Variants in ADGRD1 observed in about 807,000 individuals in gnomAD.
ADGRD1 encodes G-protein coupled receptor 133.
A neutral mutation model predicts 113.4 loss-of-function variants in ADGRD1; 77 were observed. That is an observed-to-expected ratio of 0.68 (90% CI 0.57 to 0.82). The LOEUF (loss-of-function observed/expected upper bound fraction) is 0.82, where lower values mean the gene tolerates loss of function less well. ADGRD1 is among the 40% of genes least tolerant of loss of function. The pLI, the probability that ADGRD1 is intolerant of heterozygous loss-of-function variation, is 0.00. For missense variants in ADGRD1, 1,036 were observed against 1,139.1 expected, an observed-to-expected ratio of 0.91 and a Z score of 1.30; for synonymous variants, 474 against 475.0, an observed-to-expected ratio of 1.00 and a Z score of 0.03.
At chr12:131,065,820 G>T (rs1410093737) in intron 13 of ADGRD1, among the ~76,000 whole-genome samples, 1 of 152,214 alleles carries the variant, frequency 6.6e-6, no homozygotes, top group Non-Finnish European at 1.5e-5. Context: ...AAAAGTTGTT[G>T]TGACTTGCTT....
At chr12:131,131,224 C>G (rs929981814) in intron 20 of ADGRD1, among the ~76,000 whole-genome samples, 1 of 152,200 alleles carries the variant, frequency 6.6e-6, no homozygotes, top group African/African-American at 2.4e-5. Context: ...GGGGTGCTGG[C>G]AGGAGATGAT....
intron 13 of ADGRD1, among the ~76,000 whole-genome samples, chr12:131,025,033 G>A (rs1284193948): frequency 6.6e-6 from 1 of 152,230 alleles, no homozygotes; most frequent in African/African-American, 2.4e-5. Flanking sequence ...TGCCGTGGAT[G>A]GAAGTTTTGT....
At chr12:131,036,488 C>T (rs1199200269) in intron 13 of ADGRD1, among the ~76,000 whole-genome samples, 2 of 151,058 alleles carry the variant, frequency 1.3e-5, no homozygotes, top group South Asian at 4.2e-4. Flanking sequence ...TCACTCACTA[C>T]ACCAGGTCTC....
At chr12:131,085,856 G>A (rs147330066) in intron 15 of ADGRD1, among the ~76,000 whole-genome samples, 161 of 152,262 alleles carry the variant, frequency 1.1e-3, no homozygotes, top group African/African-American at 3.5e-3. Flanking sequence ...AGCGTCTCCC[G>A]GACAGATTTG....
intron 18 of ADGRD1, among the ~76,000 whole-genome samples, chr12:131,110,949 G>A (rs1950332555): frequency 6.6e-6 from 1 of 151,998 alleles, no homozygotes; most frequent in Non-Finnish European, 1.5e-5. Context: ...CTTCTGGCTC[G>A]ATTGTTTCTC....
chr12:131,024,102 G>A (rs1879662230), intron 13 of ADGRD1: 1 of 152,264 alleles, frequency 6.6e-6, no homozygotes, highest in African/African-American at 2.4e-5. Flanking sequence ...TGGATGATCC[G>A]AGTAATGGTT....
In ADGRD1 at chr12:130,954,533, T is replaced by G. The variant is rs1353314746; in HGVS notation, c.66+2T>G. ...CTGCTATTTTATTACAACTTTCAGG[T>G]AATGTCCCCAAGTGGCCAGGATGGC... On this transcript the variant is annotated splice_donor_variant, in intron 1 of 24. Transcript: ENST00000261654. LOFTEE classifies it high-confidence loss of function. This position sits in a 1 kb window ranked among gnomAD's most constrained non-coding sequence, Gnocchi z 4.7. 1 of 1,610,724 alleles carries G rather than the reference T, an allele frequency of 6.2e-7. No homozygotes were observed. Among genetic ancestry groups the G allele is most frequent in the East Asian group, 2.2e-5 (1 of 44,698 alleles).
chr12:131,085,131 AG>A (rs1282951722), intron 15 of ADGRD1, among the ~76,000 whole-genome samples: 1 of 152,370 alleles, frequency 6.6e-6, no homozygotes, highest in African/African-American at 2.4e-5. Flanking sequence ...ACTTTGAATC[AG>A]TGGAGGAAGA....
chr12:130,975,296 G>A (rs1872180864), intron 4 of ADGRD1, among the ~76,000 whole-genome samples: 1 of 152,132 alleles, frequency 6.6e-6, no homozygotes, highest in South Asian at 2.1e-4. Flanking sequence ...TTGCACGGCC[G>A]ACGATGGCCT....
chr12:131,024,756 A>C (rs567415604), intron 13 of ADGRD1: 1 of 152,370 alleles, frequency 6.6e-6, no homozygotes, highest in South Asian at 2.1e-4. Context: ...TGTCCTTGTC[A>C]TTAAGTGATG....
At chr12:131,115,978 C>T (rs145934480) in intron 18 of ADGRD1, among the ~76,000 whole-genome samples, 10 of 152,232 alleles carry the variant, frequency 6.6e-5, no homozygotes, top group South Asian at 2.1e-4. Flanking sequence ...AGGAATAGAA[C>T]GAGGTGTCTT....
chr12:131,116,390 T>C lies in ADGRD1; in HGVS notation c.2042-1995T>C, dbSNP rs535374108. 2.0e-5 allele frequency among the ~76,000 whole-genome samples: 3 copies of C among 152,360 alleles called. No individual in the cohort carries two copies. The South Asian group carries it at 6.2e-4, about 32-fold the overall frequency. On this transcript the variant is annotated intron_variant, in intron 18 of 24. Coordinates refer to ENST00000261654, the MANE Select transcript of ADGRD1 (RefSeq NM_198827.5). ...CATTCTGCAATGCATTTAAGTCCTT[T>C]TGACATTTAAAACCAAGTATTTCAG...
rs142931724 is a variant in ADGRD1, at chr12:131,007,520, C to T, written c.1331+1473C>T. Among the ~76,000 whole-genome samples the T allele has an allele frequency of 9.2e-5, 14 of 152,348 alleles. No individual in the cohort carries two copies. The East Asian group carries it at 2.7e-3, about 29-fold the overall frequency. On this transcript the variant is annotated intron_variant, in intron 12 of 24. Transcript: ENST00000261654. ...GCAGATGGAAGACAGTCTGTCTCGC[C>T]TGTCCCCAGGGCCTCAGCCTTCACT... is the stretch of plus-strand genomic sequence containing the variant.
At chr12:131,133,744 G>A (rs1041131329) in intron 21 of ADGRD1, among the ~76,000 whole-genome samples, 1 of 152,212 alleles carries the variant, frequency 6.6e-6, no homozygotes, top group Non-Finnish European at 1.5e-5. Flanking sequence ...TCTTAGTGTG[G>A]ATTGTGTAAC....
chr12:131,043,131 G>C (rs1189669341), intron 13 of ADGRD1, among the ~76,000 whole-genome samples: 1 of 152,208 alleles, frequency 6.6e-6, no homozygotes, highest in Non-Finnish European at 1.5e-5. Context: ...GCAGGGTGGG[G>C]TTGGGAGCGA....
At chr12:130,989,119 A>G (rs777753593) in intron 6 of ADGRD1, 1 of 152,232 alleles carries the variant, frequency 6.6e-6, no homozygotes, top group Non-Finnish European at 1.5e-5. Context: ...CTCTCCTAGC[A>G]CTGACAGAGG....
rs530867167 is a variant in ADGRD1 at position 131,061,632 on chromosome 12, G to A, written c.1474-15169G>A. 7.9e-5 allele frequency among the ~76,000 whole-genome samples: 12 copies of A among 152,336 alleles called. No homozygotes were observed. The East Asian group carries it at 2.3e-3, about 29-fold the overall frequency. Reference sequence around the variant, plus strand: ...AGTTTCCCCCAGTGATTACAAATGAGAGAAATACAGCGCAATGTCAAACCA... The same window carrying A: ...AGTTTCCCCCAGTGATTACAAATGAAAGAAATACAGCGCAATGTCAAACCA... On this transcript the variant is annotated intron_variant, in intron 13 of 24. Transcript: ENST00000261654.
chr12:131,004,394 T>A, intron 11 of ADGRD1, 98 bp downstream of exon 11: 1 of 916,138 alleles, frequency 1.1e-6, no homozygotes, highest in Non-Finnish European at 1.7e-6. Context: ...GCCAGGGAGC[T>A]GCGGTGCTCC....
Position 131,003,065 on chromosome 12 carries a change from A to G in ADGRD1, c.1027-120A>G. ...ATCCATGGGAAGGGGCAGTTGTGTG[A>G]CTTCTTCCTCCCTCGTGGCCAACGT... On this transcript the variant is annotated intron_variant, in intron 9 of 24. Transcript: ENST00000261654. This position sits in a 1 kb window ranked among gnomAD's most constrained non-coding sequence, Gnocchi z 4.8. The G allele has an allele frequency of 1.2e-6, 1 of 820,922 alleles. No homozygotes were observed. The highest frequency in any genetic ancestry group is 2.1e-6 in the Non-Finnish European group (1 of 480,282). The allele number at this position is 820,922 out of a possible 1,614,324, so 50.9% of individuals were successfully genotyped here. A position where few individuals can be genotyped will look rare whatever the true frequency, so the allele number is the denominator to read the frequency against.
Sources: allele counts gnomAD v4.1 joint callset (sites outside exome capture counted in the v4.1 genomes callset), GRCh38; gene constraint gnomAD v4.1.1; non-coding constraint Gnocchi (gnomAD v3.1); transcripts MANE v1.5; gene names NCBI Gene and HGNC (gene_info 2026-07-23, HGNC 2026-07-21).